The following ORC5 variants were observed in gnomAD, a reference collection of about 807,000 sequenced individuals.
ORC5 encodes origin recognition complex subunit 5, also known as protein phosphatase 1, regulatory subunit 117.
Under a neutral mutation model 58.8 loss-of-function variants are expected in ORC5, and 39 were observed. The ratio of observed to expected loss-of-function variants is 0.66; its 90% CI spans 0.51 to 0.87. The LOEUF (loss-of-function observed/expected upper bound fraction) is 0.87, where lower values mean the gene tolerates loss of function less well. Ranked by LOEUF, ORC5 falls within the 40% of genes least tolerant of loss-of-function variation. The pLI, the probability that ORC5 is intolerant of heterozygous loss-of-function variation, is 0.00. For synonymous variants in ORC5, 218 were observed against 177.6 expected (o/e 1.23, Z -1.81); for missense variants, 493 against 506.3 (o/e 0.97, Z 0.25).
intron 5 of ORC5, among the ~76,000 whole-genome samples, chr7:104,194,567 A>G (rs934474418): frequency 6.6e-6 from 1 of 152,154 alleles, no homozygotes; most frequent in Non-Finnish European, 1.5e-5. Flanking sequence ...AGAAAATAAG[A>G]AACACAAGGG....
intron 8 of ORC5, among the ~76,000 whole-genome samples, chr7:104,179,540 T>G (rs577907390): frequency 7.5e-6 from 1 of 134,078 alleles, no homozygotes; most frequent in East Asian, 2.2e-4. Context: ...TAGAAAGAAG[T>G]TTTTTTTTTT....
chr7:104,139,837 T>C (rs1210845751), intron 12 of ORC5, among the ~76,000 whole-genome samples: 1 of 152,004 alleles, frequency 6.6e-6, no homozygotes, highest in Non-Finnish European at 1.5e-5. Context: ...AACAAAGACA[T>C]TATTTGTATT....
rs754927436 is a variant in ORC5, at chr7:104,195,187, C to G, written c.509G>C (p.Gly170Ala). ...IVWEKFRPNTGCFEPFVLYFP... is the reference protein window; with the variant it reads ...IVWEKFRPNTACFEPFVLYFP... Reference sequence around the variant, plus strand: ...ATATAAGACAAACGGCTCAAAGCATCCAGTATTTGGACGAAACTTTTCCCA... The same window carrying G: ...ATATAAGACAAACGGCTCAAAGCATGCAGTATTTGGACGAAACTTTTCCCA... Residue 170 changes from glycine (G) to alanine (A), a missense_variant, in exon 5 of 14, where the codon GGA becomes GCA. Coordinates refer to ENST00000297431, the MANE Select transcript of ORC5 (RefSeq NM_002553.4). The G allele has an allele frequency of 1.9e-6, 3 of 1,577,002 alleles. No homozygotes were observed. In the East Asian group the frequency reaches 7.1e-5, roughly 38 times the overall value.
intron 12 of ORC5, among the ~76,000 whole-genome samples, chr7:104,143,705 A>C (rs944084489): frequency 1.3e-5 from 2 of 152,374 alleles, no homozygotes; most frequent in Admixed American, 6.5e-5. Flanking sequence ...AACTCATTTC[A>C]GTCATTTGTT....
chr7:104,193,080 G>T (rs768810645), intron 5 of ORC5, among the ~76,000 whole-genome samples: 6 of 151,990 alleles, frequency 3.9e-5, no homozygotes, highest in Non-Finnish European at 8.8e-5. Flanking sequence ...AACACTGCCT[G>T]AAATTTTTCC....
chr7:104,187,862 T>C (rs1799582475), intron 6 of ORC5: 1 of 989,170 alleles, frequency 1.0e-6, no homozygotes. Context: ...ACATAAAACT[T>C]GAACAAAATC....
At chr7:104,147,548 T>C (rs572033872) in intron 12 of ORC5, among the ~76,000 whole-genome samples, 1 of 152,280 alleles carries the variant, frequency 6.6e-6, no homozygotes, top group Non-Finnish European at 1.5e-5. Context: ...CTTGAAACTT[T>C]GGAGATCAAT....
chr7:104,134,284 G>A (rs1366979035), intron 13 of ORC5, among the ~76,000 whole-genome samples: 1 of 151,662 alleles, frequency 6.6e-6, no homozygotes, highest in Non-Finnish European at 1.5e-5. Context: ...GCATGGTGGT[G>A]TGTGCCTGTG....
At chr7:104,169,720 T>C (rs1799177044) in intron 8 of ORC5, among the ~76,000 whole-genome samples, 2 of 152,208 alleles carry the variant, frequency 1.3e-5, no homozygotes, top group East Asian at 3.9e-4. Flanking sequence ...AAAAAAGTAG[T>C]TTTAGCTTTT....
chr7:104,164,193 G>A (rs559955060), intron 11 of ORC5, among the ~76,000 whole-genome samples: 7 of 152,310 alleles, frequency 4.6e-5, no homozygotes, highest in African/African-American at 1.4e-4. Context: ...GCTGAGAGGA[G>A]TGGATCATTT....
chr7:104,157,601 G>C (rs1445409312), intron 12 of ORC5, among the ~76,000 whole-genome samples: 2 of 151,982 alleles, frequency 1.3e-5, no homozygotes, highest in South Asian at 4.1e-4. Context: ...CGAAGACTGC[G>C]GACATTGTTC....
At chr7:104,207,408 G>C (rs1297067111) in intron 1 of ORC5, among the ~76,000 whole-genome samples, 2 of 150,870 alleles carry the variant, frequency 1.3e-5, no homozygotes, top group African/African-American at 2.4e-5. Flanking sequence ...GCCCTTAGTG[G>C]CCTTGAAAGC....
At chr7:104,132,612 A>G (rs1798530126) in intron 13 of ORC5, among the ~76,000 whole-genome samples, 1 of 152,132 alleles carries the variant, frequency 6.6e-6, no homozygotes, top group Non-Finnish European at 1.5e-5. Flanking sequence ...ACTGCTAATC[A>G]CTATAGGAAA....
chr7:104,206,188 A>G (rs1800078339), intron 1 of ORC5, among the ~76,000 whole-genome samples: 1 of 152,176 alleles, frequency 6.6e-6, no homozygotes, highest in Non-Finnish European at 1.5e-5. Context: ...CGCTAACATA[A>G]ACTGCAATAA....
chr7:104,172,562 T>C (rs1024352564), intron 8 of ORC5, among the ~76,000 whole-genome samples: 2 of 152,134 alleles, frequency 1.3e-5, no homozygotes, highest in Non-Finnish European at 2.9e-5. Context: ...GTAAAAAAAA[T>C]TGACTAGAAA....
chr7:104,195,362 A>G (rs1193935993), intron 4 of ORC5, 108 bp from the exon 5 acceptor site: 10 of 547,168 alleles, frequency 1.8e-5, no homozygotes, highest in African/African-American at 1.2e-4. Flanking sequence ...GTTCTAACCT[A>G]TAACAAATTA....
chr7:104,157,538 T>C (rs1798946565), intron 12 of ORC5, among the ~76,000 whole-genome samples: 1 of 151,994 alleles, frequency 6.6e-6, no homozygotes, highest in Non-Finnish European at 1.5e-5. Context: ...AAGATACATT[T>C]TGGGCCAAGT....
At chr7:104,160,977 T>A in intron 12 of ORC5, 95 bp downstream of exon 12, 2 of 743,936 alleles carry the variant, frequency 2.7e-6, no homozygotes, top group South Asian at 3.0e-5. Flanking sequence ...CAGTAACATA[T>A]GTTGAACAAA....
chr7:104,140,541 GAATGTGATCTGCATACTAGC>G lies in ORC5; in HGVS notation c.1150-3668_1150-3649del, dbSNP rs545093659. Among the ~76,000 whole-genome samples the G allele has an allele frequency of 1.8e-3, 276 of 152,254 alleles. 2 individuals are homozygous for G. Among genetic ancestry groups the G allele is most frequent in the African/African-American group, 6.0e-3 (251 of 41,546 alleles). ...TTTGTTTTGTTTCTGGGGGATCACA[GAATGTGATCTGCATACTAGC>G]AATCCTCTGAAATTTGTTGAGGCAG... On this transcript the variant is annotated intron_variant, in intron 12 of 13. Transcript: ENST00000297431.
Sources: gnomAD v4.1 joint callset for allele counts (sites outside exome capture counted in the v4.1 genomes callset) on GRCh38, gnomAD v4.1.1 for gene constraint, MANE v1.5 for transcripts, NCBI Gene and HGNC (gene_info 2026-07-23, HGNC 2026-07-21) for gene names.